The following PPP2R5A variants were observed in gnomAD, a reference collection of about 807,000 sequenced individuals.
PPP2R5A encodes serine/threonine-protein phosphatase 2A 56 kDa regulatory subunit alpha isoform.
A neutral mutation model predicts 64.2 loss-of-function variants in PPP2R5A; 25 were observed. That is an observed-to-expected ratio of 0.39 (90% CI 0.28 to 0.54). The LOEUF (loss-of-function observed/expected upper bound fraction) is 0.54. PPP2R5A is among the 20% of genes least tolerant of loss of function. The pLI is 0.67. For synonymous variants in PPP2R5A, 198 were observed against 201.2 expected, an observed-to-expected ratio of 0.98 and a Z score of 0.13; for missense variants, 425 against 576.3, an observed-to-expected ratio of 0.74 and a Z score of 2.69.
At chr1:212,357,412 GTATTC>G in intron 11 of PPP2R5A, 128 bp downstream of exon 11, 1 of 862,230 alleles carries the variant, frequency 1.2e-6, no homozygotes, top group Non-Finnish European at 1.7e-6. Context: ...AACATCAGTT[GTATTC>G]TATTCTGTAT....
chr1:212,290,624 T>C (rs1256295267), intron 1 of PPP2R5A, among the ~76,000 whole-genome samples: 1 of 152,252 alleles, frequency 6.6e-6, no homozygotes, highest in Non-Finnish European at 1.5e-5. Context: ...AAACCCATTT[T>C]AACATCTTTA....
chr1:212,320,102 G>A (rs1211842214), intron 1 of PPP2R5A, among the ~76,000 whole-genome samples: 2 of 151,810 alleles, frequency 1.3e-5, no homozygotes, highest in Non-Finnish European at 2.9e-5. Flanking sequence ...GCCTTCCGCA[G>A]TGTTTGTGTC....
chr1:212,325,438 G>T (rs1389239461), intron 1 of PPP2R5A, among the ~76,000 whole-genome samples: 2 of 152,158 alleles, frequency 1.3e-5, no homozygotes, highest in Non-Finnish European at 2.9e-5. Flanking sequence ...AAGAGGGCTG[G>T]TTTCATTCAC....
At chr1:212,357,631 A>G (rs930223057) in intron 11 of PPP2R5A, among the ~76,000 whole-genome samples, 41 of 134,774 alleles carry the variant, frequency 3.0e-4, no homozygotes, top group Non-Finnish European at 6.6e-4. Context: ...GTGAAACCCC[A>G]TCTCTACTAA....
chr1:212,324,242 C>G (rs979297381), intron 1 of PPP2R5A, among the ~76,000 whole-genome samples: 1 of 152,144 alleles, frequency 6.6e-6, no homozygotes, highest in African/African-American at 2.4e-5. Flanking sequence ...AGGCTGTGTA[C>G]AAACCTGTAC....
chr1:212,319,446 G>A (rs1010883522), intron 1 of PPP2R5A: 2 of 152,262 alleles, frequency 1.3e-5, no homozygotes, highest in South Asian at 2.1e-4. Flanking sequence ...AGTGAGAATG[G>A]CAAATGGATA....
intron 1 of PPP2R5A, among the ~76,000 whole-genome samples, chr1:212,290,076 A>AG (rs1225098545): frequency 6.6e-6 from 1 of 152,226 alleles, no homozygotes; most frequent in Admixed American, 6.5e-5. Flanking sequence ...TTGAGATTGA[A>AG]GTCCCCTTCA....
intron 1 of PPP2R5A, chr1:212,301,926 A>G: frequency 7.5e-7 from 1 of 1,326,246 alleles, no homozygotes. Flanking sequence ...TTATAGTTAT[A>G]AAATTATTAT....
At chr1:212,318,939 A>G (rs1659209561) in intron 1 of PPP2R5A, among the ~76,000 whole-genome samples, 1 of 152,218 alleles carries the variant, frequency 6.6e-6, no homozygotes, top group Non-Finnish European at 1.5e-5. Flanking sequence ...GAGTCCAGGA[A>G]CTTGTCCCCA....
At chr1:212,316,927 G>A (rs1028458779) in intron 1 of PPP2R5A, among the ~76,000 whole-genome samples, 13 of 152,106 alleles carry the variant, frequency 8.5e-5, no homozygotes, top group African/African-American at 2.9e-4. Context: ...TGTCTGAAGC[G>A]TGAATGCTTG....
chr1:212,358,595 G>T, intron 11 of PPP2R5A, 91 bp from the exon 12 acceptor site: 1 of 894,620 alleles, frequency 1.1e-6, no homozygotes. Context: ...AATGAAATCA[G>T]CCAAGCTTTA....
chr1:212,301,040 G>T (rs1658791790), intron 1 of PPP2R5A, among the ~76,000 whole-genome samples: 1 of 152,128 alleles, frequency 6.6e-6, no homozygotes, highest in Non-Finnish European at 1.5e-5. Flanking sequence ...TTGAGACAGG[G>T]TCTTGCTCTG....
At position 212,347,427 on chromosome 1, in the gene PPP2R5A, CTTT is replaced by C. The variant is rs1558153444; in HGVS notation, c.764+24_764+26del. ...GGAAGGTAGGTCAGGTTTTTTTGTTCTTTTTAAGAATTAAGTAAGTGAATGTTT... is the reference window on the plus strand; with the variant it reads ...GGAAGGTAGGTCAGGTTTTTTTGTTCTTAAGAATTAAGTAAGTGAATGTTT... On this transcript the variant is annotated intron_variant, in intron 6 of 12. Coordinates refer to ENST00000261461, the MANE Select transcript of PPP2R5A (RefSeq NM_006243.4). 4 of 1,535,320 alleles carry C rather than the reference CTTT, an allele frequency of 2.6e-6. No individual in the cohort carries two copies. The African/African-American group carries it at 5.5e-5, about 21-fold the overall frequency.
At chr1:212,314,767 T>C (rs756769142) in intron 1 of PPP2R5A, among the ~76,000 whole-genome samples, 2 of 152,030 alleles carry the variant, frequency 1.3e-5, no homozygotes, top group Non-Finnish European at 2.9e-5. Context: ...TTCACCATAT[T>C]GGCCAGGTTG....
chr1:212,319,903 A>C lies in PPP2R5A; in HGVS notation c.182-9232A>C, dbSNP rs543797770. Reference sequence around the variant, plus strand: ...CTTCCAAAGTGCTGGGATTACAGGCATGAGCCACTGTGCCCAGCCTATGTG... The same window carrying C: ...CTTCCAAAGTGCTGGGATTACAGGCCTGAGCCACTGTGCCCAGCCTATGTG... On this transcript the variant is annotated intron_variant, in intron 1 of 12. Coordinates refer to ENST00000261461, the MANE Select transcript of PPP2R5A (RefSeq NM_006243.4). Among the ~76,000 whole-genome samples the C allele has an allele frequency of 1.4e-3, 206 of 148,538 alleles. 1 individual carries two copies. The highest frequency in any genetic ancestry group is 2.3e-3 in the Non-Finnish European group (157 of 67,540).
rs1558138694 is a variant in PPP2R5A, at chr1:212,297,093, C to CCTCTTTTTTTTTTTTTTT, written c.181+10802_181+10803insCTCTTTTTTTTTTTTTTT. ...ACGTTTCTTTTCTTTTTCTTTGCTT[C>CCTCTTTTTTTTTTTTTTT]TTCTTTTTTTTTTTTTTTTTTTTTT... is the stretch of plus-strand genomic sequence containing the variant. On this transcript the variant is annotated intron_variant, in intron 1 of 12. Transcript: ENST00000261461. 3.7e-5 allele frequency among the ~76,000 whole-genome samples: 3 copies of CCTCTTTTTTTTTTTTTTT among 81,916 alleles called. 1 individual carries two copies. Among genetic ancestry groups the CCTCTTTTTTTTTTTTTTT allele is most frequent in the African/African-American group, 1.5e-4 (3 of 19,982 alleles). The allele number at this position is 81,916 out of a possible 152,430, so 53.7% of individuals were successfully genotyped here. A position where few individuals can be genotyped will look rare whatever the true frequency, so the allele number is the denominator to read the frequency against.
At chr1:212,312,963 T>A (rs1188894010) in intron 1 of PPP2R5A, among the ~76,000 whole-genome samples, 1 of 152,158 alleles carries the variant, frequency 6.6e-6, no homozygotes, top group Non-Finnish European at 1.5e-5. Flanking sequence ...AAAATAAAAA[T>A]TATCACTTCA....
intron 1 of PPP2R5A, chr1:212,306,747 T>TTATG (rs1377538657): frequency 2.0e-5 from 3 of 146,764 alleles, no homozygotes; most frequent in Middle Eastern, 3.4e-3. Flanking sequence ...TTACATTTAT[T>TTATG]TATTTATTTA....
chr1:212,352,982 G>A (rs1258154623), intron 8 of PPP2R5A: 5 of 516,104 alleles, frequency 9.7e-6, no homozygotes, highest in Non-Finnish European at 1.6e-5. Flanking sequence ...AGCATTTGTT[G>A]CCTTAGTTGC....
Sources: allele counts gnomAD v4.1 joint callset (sites outside exome capture counted in the v4.1 genomes callset), GRCh38; gene constraint gnomAD v4.1.1; transcripts MANE v1.5; gene names NCBI Gene and HGNC (gene_info 2026-07-23, HGNC 2026-07-21).